Variants in FBXL20 observed in about 807,000 individuals in gnomAD.
FBXL20 encodes F-box/LRR-repeat protein 20.
Under a neutral mutation model 64.0 loss-of-function variants are expected in FBXL20, and 11 were observed. That is an observed-to-expected ratio of 0.17 (90% confidence interval 0.11 to 0.28). The LOEUF (loss-of-function observed/expected upper bound fraction) is 0.28, where lower values mean the gene tolerates loss of function less well. FBXL20 is among the 10% of genes least tolerant of loss of function. The pLI, the probability that FBXL20 is intolerant of heterozygous loss-of-function variation, is 1.00. For synonymous variants in FBXL20, 184 were observed against 189.0 expected (o/e 0.97, Z 0.22); for missense variants, 303 against 526.2 (o/e 0.58, Z 4.15).
intron 1 of FBXL20, among the ~76,000 whole-genome samples, chr17:39,394,333 C>T (rs1029556112): frequency 6.8e-6 from 1 of 146,934 alleles, no homozygotes; most frequent in African/African-American, 2.5e-5. Context: ...GGCTGGAGTG[C>T]TGTGGCTCGG....
At chr17:39,351,212 T>A (rs2047684097) in intron 1 of FBXL20, among the ~76,000 whole-genome samples, 1 of 151,872 alleles carries the variant, frequency 6.6e-6, no homozygotes. Context: ...GGTGTGCACC[T>A]GTAATCCCAG....
At chr17:39,338,809 CAA>C (rs1369941266) in intron 2 of FBXL20, among the ~76,000 whole-genome samples, 1 of 152,066 alleles carries the variant, frequency 6.6e-6, no homozygotes, top group African/African-American at 2.4e-5. Context: ...TATGAGAAAA[CAA>C]GAGTAAACAT....
intron 6 of FBXL20, among the ~76,000 whole-genome samples, chr17:39,291,294 T>C (rs980079462): frequency 1.3e-5 from 2 of 152,048 alleles, no homozygotes; most frequent in Admixed American, 6.6e-5. Context: ...CCAGTATTAT[T>C]TCCTTCCTTC....
intron 6 of FBXL20, among the ~76,000 whole-genome samples, chr17:39,293,599 T>G (rs1240729774): frequency 6.6e-6 from 1 of 152,184 alleles, no homozygotes; most frequent in East Asian, 1.9e-4. Context: ...CACCAAGGTG[T>G]AATCTTTCTG....
chr17:39,390,160 G>A (rs977149358), intron 1 of FBXL20, among the ~76,000 whole-genome samples: 4 of 152,006 alleles, frequency 2.6e-5, no homozygotes, highest in Non-Finnish European at 5.9e-5. Flanking sequence ...TGATTAGGCT[G>A]GGTGCAGTGG....
intron 2 of FBXL20, among the ~76,000 whole-genome samples, chr17:39,309,276 C>A (rs1158240183): frequency 6.6e-6 from 1 of 152,082 alleles, no homozygotes; most frequent in Admixed American, 6.6e-5. Flanking sequence ...CAACCCCGAC[C>A]ACTGTTTTTG....
At chr17:39,325,413 T>G (rs1188715398) in intron 2 of FBXL20, among the ~76,000 whole-genome samples, 2 of 152,162 alleles carry the variant, frequency 1.3e-5, no homozygotes, top group African/African-American at 2.4e-5. Context: ...TGAGTAAGCT[T>G]CCACTGAACT....
chr17:39,359,113 G>C (rs1051384429), intron 1 of FBXL20, among the ~76,000 whole-genome samples: 1 of 152,056 alleles, frequency 6.6e-6, no homozygotes, highest in Non-Finnish European at 1.5e-5. Context: ...CTGCTGAGGC[G>C]GGCTGATCGC....
intron 6 of FBXL20, among the ~76,000 whole-genome samples, chr17:39,287,446 C>T (rs967316297): frequency 1.3e-5 from 2 of 152,088 alleles, no homozygotes; most frequent in Admixed American, 6.6e-5. Context: ...CTCACTCTGT[C>T]ACCCTGGCTG....
chr17:39,391,946 A>C (rs899924704), intron 1 of FBXL20, among the ~76,000 whole-genome samples: 1 of 151,558 alleles, frequency 6.6e-6, no homozygotes, highest in Non-Finnish European at 1.5e-5. Context: ...GTTCGAGACC[A>C]GTCTGGCCAA....
intron 2 of FBXL20, among the ~76,000 whole-genome samples, chr17:39,321,359 G>C (rs2047354178): frequency 6.6e-6 from 1 of 151,804 alleles, no homozygotes; most frequent in African/African-American, 2.4e-5. Context: ...GGCTGAGGCA[G>C]GAGTTGGAGG....
intron 2 of FBXL20, 27 bp downstream of exon 2, chr17:39,343,153 A>T: frequency 6.4e-7 from 1 of 1,552,586 alleles, no homozygotes; most frequent in Non-Finnish European, 8.7e-7. Flanking sequence ...ACATAAAAAA[A>T]CCCATAAAAT....
At chr17:39,307,430 A>G (rs992059989) in intron 2 of FBXL20, among the ~76,000 whole-genome samples, 1 of 152,222 alleles carries the variant, frequency 6.6e-6, no homozygotes, top group Admixed American at 6.5e-5. Flanking sequence ...GCATTCCAGT[A>G]GACGAAATAG....
At chr17:39,387,361 CCT>C (rs998725034) in intron 1 of FBXL20, among the ~76,000 whole-genome samples, 4 of 150,068 alleles carry the variant, frequency 2.7e-5, no homozygotes, top group African/African-American at 9.8e-5. Context: ...CTTGCTGTAA[CCT>C]CTGTCTCCCG....
intron 8 of FBXL20, 135 bp downstream of exon 8, chr17:39,282,594 G>T: frequency 1.8e-5 from 21 of 1,150,080 alleles, no homozygotes; most frequent in South Asian, 7.0e-5. Flanking sequence ...TTAATTTTTG[G>T]TAAGCATTTG....
intron 1 of FBXL20, among the ~76,000 whole-genome samples, chr17:39,358,343 G>C (rs1364018380): frequency 6.6e-6 from 1 of 152,108 alleles, no homozygotes; most frequent in East Asian, 1.9e-4. Flanking sequence ...GACACACCCA[G>C]AAATAATGTT....
At chr17:39,363,512 TACAA>T (rs2047820097) in intron 1 of FBXL20, among the ~76,000 whole-genome samples, 1 of 151,260 alleles carries the variant, frequency 6.6e-6, no homozygotes, top group South Asian at 2.1e-4. Flanking sequence ...CACATGTCTA[TACAA>T]ACAGATAAAT....
chr17:39,259,949 A>G lies in FBXL20; in HGVS notation c.*1511T>C, dbSNP rs1220025084. ...CGGTGAGCCGAGATCGCACCACTGCACTCCAGTCTGGGCAAGAGTGAGAAC... is the reference window on the plus strand; with the variant it reads ...CGGTGAGCCGAGATCGCACCACTGCGCTCCAGTCTGGGCAAGAGTGAGAAC... On this transcript the variant is annotated 3_prime_UTR_variant, in exon 15 of 15. Transcript: ENST00000264658. The G allele has an allele frequency of 7.0e-6, 1 of 143,790 alleles. No individual in the cohort carries two copies. Among genetic ancestry groups the G allele is most frequent in the Non-Finnish European group, 1.5e-5 (1 of 67,104 alleles). The allele number at this position is 143,790 out of a possible 1,614,324, so 8.9% of individuals were successfully genotyped here.
At chr17:39,298,315 C>A (rs1043079164) in intron 5 of FBXL20, among the ~76,000 whole-genome samples, 1 of 152,024 alleles carries the variant, frequency 6.6e-6, no homozygotes, top group Non-Finnish European at 1.5e-5. Context: ...GAGATGGGAG[C>A]CTTGCCATGC....
Sources: allele counts gnomAD v4.1 joint callset (sites outside exome capture counted in the v4.1 genomes callset), GRCh38; gene constraint gnomAD v4.1.1; transcripts MANE v1.5; gene names NCBI Gene and HGNC (gene_info 2026-07-23, HGNC 2026-07-21).